The following CIMIP5 variants were observed in gnomAD, a reference collection of about 807,000 sequenced individuals.
CIMIP5 encodes ciliary microtubule inner protein 5.
chr2:11,148,775 C>T, the CIMIP5 span, among the ~76,000 whole-genome samples: 2 of 142,374 alleles, frequency 1.4e-5, no homozygotes, highest in South Asian at 2.2e-4. Context: ...CGCTCTCGTC[C>T]CCCAGGCTGG....
the CIMIP5 span, chr2:11,140,572 C>A: frequency 6.5e-7 from 1 of 1,532,118 alleles, no homozygotes; most frequent in Non-Finnish European, 8.9e-7. Flanking sequence ...ATGTTCCTGC[C>A]AAACATACTT....
At chr2:11,134,179 T>A in the CIMIP5 span, among the ~76,000 whole-genome samples, 2 of 151,694 alleles carry the variant, frequency 1.3e-5, no homozygotes, top group Non-Finnish European at 2.9e-5. Context: ...GAGGAGACAT[T>A]TAAGCTGAGA....
chr2:11,143,988 C>T, the CIMIP5 span: 1 of 1,607,300 alleles, frequency 6.2e-7, no homozygotes, highest in Non-Finnish European at 8.5e-7. Context: ...TTCCCAGTTC[C>T]ACGAACCAGG....
the CIMIP5 span, among the ~76,000 whole-genome samples, chr2:11,149,566 G>T: frequency 3.9e-5 from 6 of 152,062 alleles, no homozygotes; most frequent in African/African-American, 1.2e-4. Flanking sequence ...AATTAGCCAG[G>T]TGTGGTGATG....
the CIMIP5 span, among the ~76,000 whole-genome samples, chr2:11,134,571 G>A: frequency 6.6e-6 from 1 of 152,182 alleles, no homozygotes; most frequent in African/African-American, 2.4e-5. Flanking sequence ...GTGGAATTGT[G>A]CAATATTTGA....
chr2:11,146,264 G>A, the CIMIP5 span, among the ~76,000 whole-genome samples: 1 of 152,190 alleles, frequency 6.6e-6, no homozygotes, highest in Non-Finnish European at 1.5e-5. Context: ...AAAGCGCAGA[G>A]AGGTTAAGTC....
At chr2:11,154,330 A>C in the CIMIP5 span, among the ~76,000 whole-genome samples, 1 of 150,716 alleles carries the variant, frequency 6.6e-6, no homozygotes, top group African/African-American at 2.4e-5. Flanking sequence ...TAGACTTGGG[A>C]GGCAGGACTC....
chr2:11,138,901 T>TTTTTTA, the CIMIP5 span, among the ~76,000 whole-genome samples: 3 of 152,006 alleles, frequency 2.0e-5, no homozygotes, highest in Non-Finnish European at 2.9e-5. Flanking sequence ...ACACCTTCTT[T>TTTTTTA]TTTTTATTTT....
the CIMIP5 span, among the ~76,000 whole-genome samples, chr2:11,142,090 ACC>A: frequency 6.6e-6 from 1 of 151,912 alleles, no homozygotes; most frequent in Non-Finnish European, 1.5e-5. Context: ...ACATGGAGAA[ACC>A]CCATCTCTAC....
At chr2:11,136,469 G>C in the CIMIP5 span, among the ~76,000 whole-genome samples, 1 of 152,212 alleles carries the variant, frequency 6.6e-6, no homozygotes, top group Non-Finnish European at 1.5e-5. Context: ...AAGATGCTGA[G>C]TTCTGGTGAG....
At chr2:11,143,857 C>A in the CIMIP5 span, 1 of 1,371,984 alleles carries the variant, frequency 7.3e-7, no homozygotes, top group Non-Finnish European at 9.8e-7. Context: ...GCTCTGTTTT[C>A]TCCCATTCTA....
chr2:11,137,787 G>A, the CIMIP5 span, among the ~76,000 whole-genome samples: 1 of 152,240 alleles, frequency 6.6e-6, no homozygotes, highest in Non-Finnish European at 1.5e-5. Flanking sequence ...GGCTAGGCCA[G>A]TGGGAGCAGG....
the CIMIP5 span, among the ~76,000 whole-genome samples, chr2:11,140,136 C>T: frequency 6.7e-6 from 1 of 148,398 alleles, no homozygotes; most frequent in Admixed American, 6.7e-5. Flanking sequence ...GCCTGTAATC[C>T]CAGCACTTTG....
chr2:11,142,713 A>ATTT, the CIMIP5 span, among the ~76,000 whole-genome samples: 320 of 104,118 alleles, frequency 3.1e-3, 8 homozygotes, highest in Middle Eastern at 0.012. Flanking sequence ...CACTTGTCAG[A>ATTT]TTTTTTTTTT....
At chr2:11,140,300 G>C in the CIMIP5 span, among the ~76,000 whole-genome samples, 1 of 150,854 alleles carries the variant, frequency 6.6e-6, no homozygotes, top group Non-Finnish European at 1.5e-5. Flanking sequence ...GCGTGAACCC[G>C]GGAGGCGGAG....
the CIMIP5 span, chr2:11,140,648 A>G: frequency 1.1e-6 from 1 of 939,646 alleles, no homozygotes; most frequent in Non-Finnish European, 1.6e-6. Flanking sequence ...ACTCTACACC[A>G]GATACTGGAT....
At chr2:11,150,975 A>G in the CIMIP5 span, among the ~76,000 whole-genome samples, 12 of 152,308 alleles carry the variant, frequency 7.9e-5, no homozygotes, top group African/African-American at 2.9e-4. Flanking sequence ...CAGGACAGAA[A>G]ATCATTCCTC....
At chr2:11,140,639 C>G in the CIMIP5 span, 7 of 1,036,194 alleles carry the variant, frequency 6.8e-6, no homozygotes, top group Non-Finnish European at 1.0e-5. Flanking sequence ...TGAAGATCTA[C>G]TCTACACCAG....
chr2:11,153,924 C>A, the CIMIP5 span, among the ~76,000 whole-genome samples: 162 of 139,306 alleles, frequency 1.2e-3, no homozygotes, highest in Middle Eastern at 7.1e-3. Context: ...AACTCCGTCT[C>A]AAAAAAAAAA....
Sources: gnomAD v4.1 joint callset for allele counts (sites outside exome capture counted in the v4.1 genomes callset) on GRCh38, gnomAD v4.1.1 for gene constraint, MANE v1.5 for transcripts, NCBI Gene and HGNC (gene_info 2026-07-23, HGNC 2026-07-21) for gene names.